The following OVCH2 variants were observed in gnomAD, a reference collection of about 807,000 sequenced individuals.
OVCH2 encodes ovochymase-2.
A neutral mutation model predicts 73.7 loss-of-function variants in OVCH2; 88 were observed. The observed-to-expected ratio is 1.19, with a 90% CI of 1.01 to 1.43. The LOEUF is 1.43. Among genes scored for constraint, OVCH2 ranks in the 40% most tolerant of loss-of-function variants. The pLI is 0.00. For missense variants in OVCH2, 706 were observed against 674.5 expected, an observed-to-expected ratio of 1.05 and a Z score of -0.52; for synonymous variants, 265 against 234.5, an observed-to-expected ratio of 1.13 and a Z score of -1.19.
At position 7,689,547 on chromosome 11, in the gene OVCH2, C is replaced by T. The variant is rs183699936; in HGVS notation, c.*87G>A. ...TGAGGGCTGTGACGAGGAGTCTGCCCCAAGCCTCTCCTCTAGCTTCTGGTG... is the reference window on the plus strand; with the variant it reads ...TGAGGGCTGTGACGAGGAGTCTGCCTCAAGCCTCTCCTCTAGCTTCTGGTG... On this transcript the variant is annotated 3_prime_UTR_variant, in exon 16 of 16. Transcript: ENST00000533663. The T allele has an allele frequency of 2.0e-3, 914 of 449,352 alleles. 2 individuals carry two copies. Among genetic ancestry groups the T allele is most frequent in the Non-Finnish European group, 3.3e-3 (728 of 223,536 alleles). The allele number at this position is 449,352 out of a possible 1,614,324, so 27.8% of individuals were successfully genotyped here. A position where few individuals can be genotyped will look rare whatever the true frequency, so the allele number is the denominator to read the frequency against.
chr11:7,682,734 A>G, the OVCH2 span, among the ~76,000 whole-genome samples: 2 of 152,222 alleles, frequency 1.3e-5, no homozygotes, highest in Admixed American at 6.5e-5. Context: ...CTATTAATAG[A>G]CATATGTGCT....
At chr11:7,697,025 TCTC>T (rs769821826) in intron 8 of OVCH2, 4 of 418,604 alleles carry the variant, frequency 9.6e-6, no homozygotes, top group African/African-American at 3.6e-5. Flanking sequence ...AACTCTTCTC[TCTC>T]TTTTTATTTT....
intron 7 of OVCH2, chr11:7,699,817 A>C (rs1856401637): frequency 6.5e-6 from 1 of 154,356 alleles, no homozygotes; most frequent in Non-Finnish European, 1.4e-5. Flanking sequence ...TCCCCTACCC[A>C]CTGGACACCA....
At position 7,703,709 on chromosome 11, in the gene OVCH2, G is replaced by A; in HGVS notation, c.279C>T (p.Cys93=). The change falls in exon 3 of 16, where the codon TGC becomes TGT. Residue 93 remains cysteine, a synonymous_variant. Transcript: ENST00000533663. The part of the protein sequence containing the change: ...SPQWVITAAH[C]IANRNIVSTL... ...TAGGCCTTTCTTACCTGTTTGCAAT[G>A]CAGTGAGCCGCCGTGATCACCCACT... is the stretch of plus-strand genomic sequence containing the variant. The A allele has an allele frequency of 6.2e-7, 1 of 1,605,588 alleles. No homozygotes were observed. The highest frequency in any genetic ancestry group is 8.5e-7 in the Non-Finnish European group (1 of 1,176,062).
At chr11:7,684,882 G>A (rs1490714980), downstream of OVCH2, among the ~76,000 whole-genome samples, 1 of 152,090 alleles carries the variant, frequency 6.6e-6, no homozygotes, top group East Asian at 1.9e-4. Flanking sequence ...TCTTAAGGGG[G>A]AAATTCTGAG....
the OVCH2 span, among the ~76,000 whole-genome samples, chr11:7,678,915 G>A: frequency 4.6e-5 from 7 of 152,156 alleles, no homozygotes; most frequent in African/African-American, 1.7e-4. Context: ...GAACAAACCT[G>A]TGCATGCACC....
rs775319981 is a variant in OVCH2, at chr11:7,703,789, C to A, written c.199G>T (p.Val67Leu). The A allele has an allele frequency of 2.5e-6, 4 of 1,601,530 alleles. No individual in the cohort carries two copies. The highest frequency in any genetic ancestry group is 1.3e-5 in the African/African-American group (1 of 74,744). Residue 67 changes from valine to leucine, a missense_variant and splice_region_variant, in exon 3 of 16, where the codon GTA becomes TTA. By Grantham distance (32) the Val-to-Leu change is conservative. Coordinates refer to ENST00000533663, the MANE Select transcript of OVCH2 (RefSeq NM_198185.7). ...TGCTTCTGCCTTTGTTTCAGAGATA[C>A]CTAAATTGCAAATACCTTAAATGAA... ...QVEKGSYPWQ[V>L]SLKQRQKHIC...
Position 7,691,260 on chromosome 11 carries a change from T to C in OVCH2, c.1639+9A>G. ...GGGAACCAAAGAGTTGGTAACTCTATCTTCTTACCTGCTTTAGGAATGAAG... is the reference window on the plus strand; with the variant it reads ...GGGAACCAAAGAGTTGGTAACTCTACCTTCTTACCTGCTTTAGGAATGAAG... On this transcript the variant is annotated intron_variant, in intron 14 of 15. Transcript: ENST00000533663. The C allele has an allele frequency of 6.2e-7, 1 of 1,600,848 alleles. No homozygotes were observed. Among genetic ancestry groups the C allele is most frequent in the Non-Finnish European group, 8.5e-7 (1 of 1,173,480 alleles).
intron 8 of OVCH2, chr11:7,697,014 T>C: frequency 1.9e-6 from 1 of 518,294 alleles, no homozygotes; most frequent in East Asian, 3.0e-5. Flanking sequence ...TTTCTTTCCT[T>C]AACTCTTCTC....
chr11:7,700,579 A>G, intron 6 of OVCH2, 94 bp from the exon 7 acceptor site: 3 of 1,336,262 alleles, frequency 2.2e-6, no homozygotes, highest in South Asian at 2.9e-5. Flanking sequence ...AGGAGGATCA[A>G]TGACATCTCC....
chr11:7,686,846 G>A (rs779785126), downstream of OVCH2, among the ~76,000 whole-genome samples: 11 of 152,124 alleles, frequency 7.2e-5, no homozygotes, highest in Admixed American at 7.2e-4. Flanking sequence ...TGTCACAGCA[G>A]CTTCACCCAG....
the OVCH2 span, among the ~76,000 whole-genome samples, chr11:7,679,940 C>T: frequency 2.0e-5 from 3 of 152,156 alleles, no homozygotes; most frequent in East Asian, 3.9e-4. Flanking sequence ...CACAGTGTGC[C>T]GGGAGAAGGC....
At chr11:7,693,129 A>C (rs1482437302) in intron 12 of OVCH2, among the ~76,000 whole-genome samples, 1 of 152,154 alleles carries the variant, frequency 6.6e-6, no homozygotes, top group African/African-American at 2.4e-5. Context: ...TGAAGTGAAG[A>C]GTGGTGGGAG....
Position 7,696,690 on chromosome 11 carries a change from T to A in OVCH2, c.1016+19A>T. ...CGGAGGTGGGAGTAAGGAGGAGGAGTACAAAGGGGGTTACTCACTGCTTGC... is the reference window on the plus strand; with the variant it reads ...CGGAGGTGGGAGTAAGGAGGAGGAGAACAAAGGGGGTTACTCACTGCTTGC... On this transcript the variant is annotated intron_variant, in intron 9 of 15. Coordinates refer to ENST00000533663, the MANE Select transcript of OVCH2 (RefSeq NM_198185.7). 5 of 1,612,880 alleles carry A rather than the reference T, an allele frequency of 3.1e-6. No individual in the cohort carries two copies. Among genetic ancestry groups the A allele is most frequent in the Non-Finnish European group, 4.2e-6 (5 of 1,179,558 alleles).
intron 8 of OVCH2, among the ~76,000 whole-genome samples, chr11:7,698,400 A>G (rs980458226): frequency 6.6e-6 from 1 of 152,208 alleles, no homozygotes; most frequent in Non-Finnish European, 1.5e-5. Context: ...CAGGATCGCA[A>G]TGGAACAAAG....
At chr11:7,702,477 C>T in intron 3 of OVCH2, 148 bp from the exon 4 acceptor site, 1 of 667,752 alleles carries the variant, frequency 1.5e-6, no homozygotes, top group African/African-American at 1.8e-5. Context: ...ATAATTCCAA[C>T]ACTGTTAGAA....
chr11:7,687,262 A>C (rs4758215), downstream of OVCH2, among the ~76,000 whole-genome samples: 24,296 of 151,502 alleles, frequency 0.16, 2,043 homozygotes, highest in Middle Eastern at 0.19. Context: ...TGTCAAAAAA[A>C]TATGATGTTA....
intron 8 of OVCH2, among the ~76,000 whole-genome samples, chr11:7,698,104 T>G (rs1856370093): frequency 6.6e-6 from 1 of 152,180 alleles, no homozygotes; most frequent in Non-Finnish European, 1.5e-5. Flanking sequence ...CATTTCCACT[T>G]GACAAAATCC....
rs1469605247 is a variant in OVCH2, at chr11:7,700,473, C to T, written c.724G>A (p.Gly242Ser). 3 of 1,604,040 alleles carry T rather than the reference C, an allele frequency of 1.9e-6. 1 individual carries two copies. In the South Asian group the frequency reaches 3.4e-5, roughly 18 times the overall value. Reference protein sequence around the residue: ...GRDACQGDSGGSLMCRNKKGA... With the variant: ...GRDACQGDSGSSLMCRNKKGA... ...TTCTTATTCCGGCACATGAGTGAAC[C>T]TCCTGAATCTCCCTGCAGAGGGAAA... Residue 242 changes from glycine to serine, a missense_variant, in exon 7 of 16, where the codon GGT becomes AGT. Physicochemically the swap from Gly to Ser is moderately conservative, Grantham distance 56 (BLOSUM62 0). Coordinates refer to ENST00000533663, the MANE Select transcript of OVCH2 (RefSeq NM_198185.7).
Sources: allele counts gnomAD v4.1 joint callset (sites outside exome capture counted in the v4.1 genomes callset), GRCh38; gene constraint gnomAD v4.1.1; transcripts MANE v1.5; gene names NCBI Gene and HGNC (gene_info 2026-07-23, HGNC 2026-07-21).